SLC9A2: variants seen among roughly 807,000 people sequenced by gnomAD.
SLC9A2 encodes sodium/hydrogen exchanger 2.
SLC9A2 carries 42 observed loss-of-function variants against 71.7 expected under a neutral mutation model. The ratio of observed to expected loss-of-function variants is 0.59; its 90% CI spans 0.46 to 0.76. SLC9A2 has a LOEUF of 0.76. Ranked by LOEUF, SLC9A2 falls within the 30% of genes least tolerant of loss-of-function variation. The pLI is 0.00. For synonymous variants in SLC9A2, 396 were observed against 392.5 expected (o/e 1.01, Z -0.10); for missense variants, 829 against 1,017.4 (o/e 0.81, Z 2.52).
chr2:102,698,351 G>T (rs900499704), intron 7 of SLC9A2, among the ~76,000 whole-genome samples: 3 of 152,198 alleles, frequency 2.0e-5, no homozygotes, highest in Non-Finnish European at 2.9e-5. Context: ...CCACGGCACA[G>T]GTGTGTCTAT....
chr2:102,691,291 A>ATTT lies in SLC9A2; in HGVS notation c.1426-3117_1426-3115dup, dbSNP rs142693567. Among the ~76,000 whole-genome samples the ATTT allele has an allele frequency of 2.1e-4, 32 of 151,998 alleles. No homozygotes were observed. The East Asian group carries it at 4.8e-3, about 23-fold the overall frequency. On this transcript the variant is annotated intron_variant, in intron 5 of 11. Transcript: ENST00000233969. Reference sequence around the variant, plus strand: ...AGTTTGATGAAAAACTAAGGGTTGTATTTTTTTTATTCTGTATGGATGGTA... The same window carrying ATTT: ...AGTTTGATGAAAAACTAAGGGTTGTATTTTTTTTTTTATTCTGTATGGATGGTA...
intron 7 of SLC9A2, among the ~76,000 whole-genome samples, chr2:102,698,253 C>A (rs1261417893): frequency 1.3e-5 from 2 of 152,194 alleles, no homozygotes; most frequent in Non-Finnish European, 2.9e-5. Context: ...CAAGCACATT[C>A]AGGATGGCTC....
At chr2:102,689,406 G>A (rs1443637271) in intron 5 of SLC9A2, among the ~76,000 whole-genome samples, 5 of 152,180 alleles carry the variant, frequency 3.3e-5, no homozygotes, top group Admixed American at 1.3e-4. Flanking sequence ...ATGTTGGGGT[G>A]CTTAGGGCCC....
At chr2:102,620,945 G>A (rs1283701537) in intron 1 of SLC9A2, among the ~76,000 whole-genome samples, 3 of 151,986 alleles carry the variant, frequency 2.0e-5, no homozygotes, top group African/African-American at 7.3e-5. Flanking sequence ...CTGAGGCAAG[G>A]TGGATCACGA....
intron 1 of SLC9A2, among the ~76,000 whole-genome samples, chr2:102,652,947 T>G (rs1676862005): frequency 6.6e-6 from 1 of 152,222 alleles, no homozygotes; most frequent in Non-Finnish European, 1.5e-5. Context: ...AAGCCATAAA[T>G]GCATGCACAT....
At chr2:102,621,601 G>A (rs1422367878) in intron 1 of SLC9A2, among the ~76,000 whole-genome samples, 2 of 152,192 alleles carry the variant, frequency 1.3e-5, no homozygotes, top group African/African-American at 4.8e-5. Flanking sequence ...CATTACATGT[G>A]TTTTACGTCT....
chr2:102,619,787 G>T lies in SLC9A2; in HGVS notation c.-62G>T, dbSNP rs1181930585. On this transcript the variant is annotated 5_prime_UTR_variant, in exon 1 of 12. Coordinates refer to ENST00000233969, the MANE Select transcript of SLC9A2 (RefSeq NM_003048.6). This position sits in a 1 kb window ranked among gnomAD's most constrained non-coding sequence, Gnocchi z 4.3. ...GCGGAGCGGGCTGAGCAGCCCGGGC[G>T]CGATGCGTTGAGCGCTCGGAGGGCC... 2.1e-6 allele frequency: 3 copies of T among 1,405,246 alleles called. No homozygotes were observed. The highest frequency in any genetic ancestry group is 2.8e-6 in the Non-Finnish European group (3 of 1,070,268). 87.0% of individuals were successfully genotyped at this position (1,405,246 alleles called of 1,614,324 possible). A position where few individuals can be genotyped will look rare whatever the true frequency, so the allele number is the denominator to read the frequency against.
At chr2:102,690,558 C>T (rs924754256) in intron 5 of SLC9A2, among the ~76,000 whole-genome samples, 3 of 152,046 alleles carry the variant, frequency 2.0e-5, no homozygotes, top group Non-Finnish European at 4.4e-5. Context: ...GGGGGAAACC[C>T]TGATCAGCAA....
rs546238015 is a variant in SLC9A2 at position 102,619,563 on chromosome 2, G to C, written c.-286G>C. ...CCTGCCGCTGCGGCTGGAGAGCAGC[G>C]CACCGGCATGGGCAGGCGGCCGGCG... is the stretch of plus-strand genomic sequence containing the variant. On this transcript the variant is annotated 5_prime_UTR_variant, in exon 1 of 12. Coordinates refer to ENST00000233969, the MANE Select transcript of SLC9A2 (RefSeq NM_003048.6). This position sits in a 1 kb window ranked among gnomAD's most constrained non-coding sequence, Gnocchi z 4.3. The C allele has an allele frequency of 2.3e-3, 554 of 245,546 alleles. 4 individuals are homozygous for C. The highest frequency in any genetic ancestry group is 0.011 in the African/African-American group (505 of 44,472). The allele number at this position is 245,546 out of a possible 1,614,324, so 15.2% of individuals were successfully genotyped here. A position where few individuals can be genotyped will look rare whatever the true frequency, so the allele number is the denominator to read the frequency against.
intron 10 of SLC9A2, 91 bp downstream of exon 10, chr2:102,704,766 C>A (rs1171250861): frequency 2.8e-5 from 40 of 1,404,796 alleles, no homozygotes; most frequent in Non-Finnish European, 3.8e-5. Context: ...CTCTGCAGAT[C>A]AAGTGGCTGT....
At chr2:102,693,751 G>A (rs926082758) in intron 5 of SLC9A2, among the ~76,000 whole-genome samples, 7 of 152,056 alleles carry the variant, frequency 4.6e-5, no homozygotes, top group Non-Finnish European at 7.4e-5. Flanking sequence ...AACTGTTTTC[G>A]GAAGTATCTG....
chr2:102,649,640 C>T (rs1212061196), intron 1 of SLC9A2, among the ~76,000 whole-genome samples: 1 of 151,590 alleles, frequency 6.6e-6, no homozygotes, highest in African/African-American at 2.4e-5. Flanking sequence ...AAACAAACAA[C>T]CCCATCAAAA....
chr2:102,654,793 T>C (rs1309189147), intron 1 of SLC9A2, among the ~76,000 whole-genome samples: 1 of 152,260 alleles, frequency 6.6e-6, no homozygotes, highest in Non-Finnish European at 1.5e-5. Context: ...CTATATGGTG[T>C]TGTCTACCAG....
At position 102,702,446 on chromosome 2, in the gene SLC9A2, G is replaced by C; in HGVS notation, c.1789G>C (p.Glu597Gln). The C allele has an allele frequency of 6.2e-7, 1 of 1,603,838 alleles. No individual in the cohort carries two copies. Among genetic ancestry groups the C allele is most frequent in the Non-Finnish European group, 8.5e-7 (1 of 1,176,076 alleles). The change falls in exon 9 of 12, where the codon GAA (glutamate) becomes CAA (glutamine). Residue 597 changes from glutamate to glutamine, a missense_variant. Glu to Gln is a conservative substitution (Grantham distance 29, BLOSUM62 2). Transcript: ENST00000233969. ...EEKIRKVTSS[E>Q]TDEIRELLSR... ...AAAAATAAGGAAGGTCACGTCCAGT[G>C]AAACTGATGAAATTCGAGAACTCTT...
At chr2:102,701,008 A>G in intron 7 of SLC9A2, 62 bp from the exon 8 acceptor site, 1 of 1,250,048 alleles carries the variant, frequency 8.0e-7, no homozygotes, top group Non-Finnish European at 1.1e-6. Context: ...TCATTGGTAA[A>G]AACAACAACT....
intron 1 of SLC9A2, among the ~76,000 whole-genome samples, chr2:102,629,962 A>G (rs902018682): frequency 6.6e-6 from 1 of 152,118 alleles, no homozygotes; most frequent in Non-Finnish European, 1.5e-5. Context: ...CAATAATTTC[A>G]TGGAACATAA....
intron 1 of SLC9A2, among the ~76,000 whole-genome samples, chr2:102,639,831 A>G (rs1023451375): frequency 6.6e-6 from 1 of 152,138 alleles, no homozygotes; most frequent in Admixed American, 6.5e-5. Context: ...GGCAAAAGTG[A>G]ACATTTTAAG....
chr2:102,678,617 C>T (rs1573422866), intron 3 of SLC9A2, among the ~76,000 whole-genome samples: 1 of 152,176 alleles, frequency 6.6e-6, no homozygotes, highest in Non-Finnish European at 1.5e-5. Flanking sequence ...AGGAAGAAAT[C>T]TTATCTCTTG....
chr2:102,621,608 G>A (rs1237749123), intron 1 of SLC9A2, among the ~76,000 whole-genome samples: 1 of 152,118 alleles, frequency 6.6e-6, no homozygotes, highest in Non-Finnish European at 1.5e-5. Flanking sequence ...TGTGTTTTAC[G>A]TCTTTACCCT....
Sources: gnomAD v4.1 joint callset for allele counts (sites outside exome capture counted in the v4.1 genomes callset) on GRCh38, gnomAD v4.1.1 for gene constraint, Gnocchi (gnomAD v3.1) non-coding constraint, MANE v1.5 for transcripts, NCBI Gene and HGNC (gene_info 2026-07-23, HGNC 2026-07-21) for gene names.